DAB1: variants seen among roughly 807,000 people sequenced by gnomAD.
DAB1 encodes the protein DAB adaptor protein 1, also known as disabled homolog 1.
In DAB1, 15 loss-of-function variants were observed where a neutral mutation model predicts 64.6. The ratio of observed to expected loss-of-function variants is 0.23; its 90% CI spans 0.16 to 0.36. DAB1 has a LOEUF of 0.36. Among genes scored for constraint, DAB1 ranks in the 10% least tolerant of loss-of-function variants. The pLI, the probability that DAB1 is intolerant of heterozygous loss-of-function variation, is 1.00. For missense variants in DAB1, 596 were observed against 706.7 expected (o/e 0.84, Z 1.78); for synonymous variants, 235 against 251.9 (o/e 0.93, Z 0.64).
intron 3 of DAB1, among the ~76,000 whole-genome samples, chr1:58,395,362 G>A (rs1644511471): frequency 6.6e-6 from 1 of 152,154 alleles, no homozygotes; most frequent in Non-Finnish European, 1.5e-5. Flanking sequence ...ATAGTACTTT[G>A]TGCAAGTCAC....
intron 5 of DAB1, among the ~76,000 whole-genome samples, chr1:58,012,537 T>G (rs1043082571): frequency 6.6e-6 from 1 of 152,180 alleles, no homozygotes; most frequent in African/African-American, 2.4e-5. Flanking sequence ...AACATATGTT[T>G]AAATTCTAAT....
chr1:58,084,174 G>A (rs1650164625), intron 5 of DAB1, among the ~76,000 whole-genome samples: 1 of 152,108 alleles, frequency 6.6e-6, no homozygotes, highest in South Asian at 2.1e-4. Flanking sequence ...ATTAAAATGA[G>A]AATAATTGCT....
At chr1:57,056,403 G>A (rs553897370) in intron 9 of DAB1, among the ~76,000 whole-genome samples, 2 of 149,640 alleles carry the variant, frequency 1.3e-5, no homozygotes, top group South Asian at 4.2e-4. Context: ...TACTGGGTAA[G>A]CTGAGGCAGG....
At chr1:57,532,587 G>C (rs1303571498) in intron 7 of DAB1, among the ~76,000 whole-genome samples, 1 of 152,144 alleles carries the variant, frequency 6.6e-6, no homozygotes, top group Non-Finnish European at 1.5e-5. Context: ...ACTGTAACTT[G>C]CTTCTATCCT....
At chr1:57,843,379 T>C (rs1327887405) in intron 1 of DAB1, among the ~76,000 whole-genome samples, 10 of 152,196 alleles carry the variant, frequency 6.6e-5, no homozygotes. Context: ...ATTATCTAGT[T>C]GGGTGATTCT....
intron 6 of DAB1, among the ~76,000 whole-genome samples, chr1:57,720,721 A>G (rs936381274): frequency 5.9e-5 from 9 of 152,122 alleles, no homozygotes; most frequent in Non-Finnish European, 1.3e-4. Context: ...TTATTTATTT[A>G]TTTATTTTTC....
chr1:57,151,042 G>A (rs1474507219), intron 2 of DAB1, among the ~76,000 whole-genome samples: 1 of 152,110 alleles, frequency 6.6e-6, no homozygotes, highest in African/African-American at 2.4e-5. Flanking sequence ...AGATGGGTCT[G>A]CGGTGAGCCA....
At chr1:58,506,455 T>C (rs1326047805) in intron 2 of DAB1, among the ~76,000 whole-genome samples, 1 of 152,168 alleles carries the variant, frequency 6.6e-6, no homozygotes, top group Non-Finnish European at 1.5e-5. Flanking sequence ...TAAAGTCATT[T>C]TCTATCATCA....
intron 4 of DAB1, among the ~76,000 whole-genome samples, chr1:58,227,593 G>A (rs1186775911): frequency 2.0e-5 from 3 of 152,126 alleles, no homozygotes; most frequent in African/African-American, 7.2e-5. Context: ...AGCTCATCAG[G>A]TGCCAAAGCT....
chr1:58,232,691 G>A (rs1001004724), intron 4 of DAB1, among the ~76,000 whole-genome samples: 1 of 152,162 alleles, frequency 6.6e-6, no homozygotes, highest in African/African-American at 2.4e-5. Context: ...AAAGGCACTC[G>A]GAGATGGTGA....
chr1:57,485,019 T>C (rs1281799925), intron 7 of DAB1, among the ~76,000 whole-genome samples: 3 of 152,182 alleles, frequency 2.0e-5, no homozygotes, highest in African/African-American at 2.4e-5. Flanking sequence ...TGTGTCAAGT[T>C]GAACACATCA....
chr1:57,236,918 C>T (rs1668126766), intron 2 of DAB1, among the ~76,000 whole-genome samples: 1 of 152,142 alleles, frequency 6.6e-6, no homozygotes, highest in African/African-American at 2.4e-5. Context: ...GATATGGTAG[C>T]CATTGGCCAC....
At chr1:57,660,327 GT>G (rs1646371484) in intron 6 of DAB1, among the ~76,000 whole-genome samples, 1 of 152,068 alleles carries the variant, frequency 6.6e-6, no homozygotes, top group African/African-American at 2.4e-5. Context: ...GCAAAAGTAG[GT>G]TTTCTACTCT....
intron 3 of DAB1, among the ~76,000 whole-genome samples, chr1:58,415,931 T>C (rs1195231836): frequency 6.6e-6 from 1 of 152,190 alleles, no homozygotes; most frequent in Non-Finnish European, 1.5e-5. Context: ...CCTCTCCTCA[T>C]AGTGTTACTG....
intron 7 of DAB1, among the ~76,000 whole-genome samples, chr1:57,531,725 G>A (rs1028023865): frequency 6.6e-6 from 1 of 152,172 alleles, no homozygotes; most frequent in Non-Finnish European, 1.5e-5. Context: ...AGCCAATGGT[G>A]TGCTGGTAAA....
At chr1:57,737,830 T>A (rs1647771491) in intron 6 of DAB1, among the ~76,000 whole-genome samples, 1 of 152,232 alleles carries the variant, frequency 6.6e-6, no homozygotes, top group Non-Finnish European at 1.5e-5. Context: ...GTAATTCTTG[T>A]CTTCAGAATA....
chr1:57,516,837 C>T (rs1364470152), intron 7 of DAB1, among the ~76,000 whole-genome samples: 2 of 152,184 alleles, frequency 1.3e-5, no homozygotes, highest in Non-Finnish European at 2.9e-5. Flanking sequence ...ATGCTACCCC[C>T]ACTTCAAGTC....
intron 2 of DAB1, among the ~76,000 whole-genome samples, chr1:57,165,256 T>C (rs552724086): frequency 1.3e-5 from 2 of 152,190 alleles, no homozygotes; most frequent in Non-Finnish European, 2.9e-5. Flanking sequence ...ATAGGTTTTT[T>C]TTTTAATCAG....
chr1:57,392,404 T>C (rs1682455225), intron 1 of DAB1, among the ~76,000 whole-genome samples: 1 of 152,040 alleles, frequency 6.6e-6, no homozygotes, highest in Admixed American at 6.6e-5. Flanking sequence ...ACAAAAAGCA[T>C]ATAACGAACA....
Sources: allele counts gnomAD v4.1 joint callset (sites outside exome capture counted in the v4.1 genomes callset), GRCh38; gene constraint gnomAD v4.1.1; transcripts MANE v1.5; gene names NCBI Gene and HGNC (gene_info 2026-07-23, HGNC 2026-07-21).